PRKAG2: variants seen among roughly 807,000 people sequenced by gnomAD.
PRKAG2 encodes 5'-AMP-activated protein kinase subunit gamma-2.
A neutral mutation model predicts 69.6 loss-of-function variants in PRKAG2; 26 were observed. The ratio of observed to expected loss-of-function variants is 0.37; its 90% CI spans 0.27 to 0.52. The LOEUF is 0.52. Among genes scored for constraint, PRKAG2 ranks in the 20% least tolerant of loss-of-function variants. The pLI is 0.90. For missense variants in PRKAG2, 557 were observed against 740.0 expected, an observed-to-expected ratio of 0.75 and a Z score of 2.87; for synonymous variants, 293 against 285.0, an observed-to-expected ratio of 1.03 and a Z score of -0.28.
chr7:151,866,268 G>A (rs190750249), intron 1 of PRKAG2, among the ~76,000 whole-genome samples: 3 of 152,230 alleles, frequency 2.0e-5, no homozygotes, highest in Non-Finnish European at 4.4e-5. Flanking sequence ...TTGGCTGCTC[G>A]TGGGGCATCT....
chr7:151,558,226 C>G (rs1471848114), intron 15 of PRKAG2: 1 of 985,452 alleles, frequency 1.0e-6, no homozygotes, highest in East Asian at 1.1e-4. Flanking sequence ...TGAACCAGTA[C>G]CCCTCTGGGG....
chr7:151,826,761 T>C (rs2078912712), intron 1 of PRKAG2, among the ~76,000 whole-genome samples: 2 of 152,242 alleles, frequency 1.3e-5, no homozygotes, highest in South Asian at 2.1e-4. Context: ...TTTTTTTCCT[T>C]CCACTGATCA....
At chr7:151,600,007 G>A (rs549798074) in intron 5 of PRKAG2, among the ~76,000 whole-genome samples, 7 of 152,152 alleles carry the variant, frequency 4.6e-5, no homozygotes, top group Middle Eastern at 3.4e-3. Context: ...TACTTTCTCC[G>A]TCTGTTTGTG....
At chr7:151,702,354 C>CTT (rs1837862812) in intron 3 of PRKAG2, among the ~76,000 whole-genome samples, 2 of 152,240 alleles carry the variant, frequency 1.3e-5, no homozygotes, top group African/African-American at 4.8e-5. Flanking sequence ...CACTGACTCT[C>CTT]TTCCCTGACA....
At chr7:151,662,140 T>C (rs911687799) in intron 4 of PRKAG2, among the ~76,000 whole-genome samples, 9 of 152,234 alleles carry the variant, frequency 5.9e-5, no homozygotes, top group Non-Finnish European at 1.3e-4. Flanking sequence ...GCACCGGCTG[T>C]TACATAGGTA....
chr7:151,560,076 G>A (rs1804565842), intron 15 of PRKAG2: 59 of 984,540 alleles, frequency 6.0e-5, no homozygotes, highest in Non-Finnish European at 6.9e-5. Context: ...CAATATTAAT[G>A]AATAAAAGTT....
intron 3 of PRKAG2, among the ~76,000 whole-genome samples, chr7:151,778,182 C>T (rs957153314): frequency 1.3e-5 from 2 of 152,160 alleles, no homozygotes; most frequent in Non-Finnish European, 1.5e-5. Context: ...GTGCCCGTTC[C>T]CTAGCCCCCT....
At chr7:151,677,511 C>A (rs574464915) in intron 3 of PRKAG2, among the ~76,000 whole-genome samples, 26 of 152,284 alleles carry the variant, frequency 1.7e-4, no homozygotes, top group African/African-American at 4.6e-4. Context: ...TTACATCTTA[C>A]AGGTAGAAAA....
intron 4 of PRKAG2, among the ~76,000 whole-genome samples, chr7:151,673,893 A>AGT (rs1309021062): frequency 7.5e-6 from 1 of 132,692 alleles, no homozygotes; most frequent in African/African-American, 2.9e-5. Context: ...CCCAGGCCGG[A>AGT]GTGCAGTGGT....
At chr7:151,782,361 G>GAAAGA (rs2076744505) in intron 2 of PRKAG2, among the ~76,000 whole-genome samples, 4 of 34,124 alleles carry the variant, frequency 1.2e-4, no homozygotes, top group African/African-American at 1.5e-4. Flanking sequence ...GGGAGGGAGG[G>GAAAGA]AGGGAGGGAG....
At chr7:151,593,511 A>T (rs7810070) in intron 6 of PRKAG2, among the ~76,000 whole-genome samples, 21,658 of 150,916 alleles carry the variant, frequency 0.14, 1,645 homozygotes, top group East Asian at 0.27. Context: ...GCTTATTTTT[A>T]AGTTGGTAGA....
In PRKAG2 at chr7:151,632,145, G is replaced by T. The variant is rs397517278; in HGVS notation, c.685-7C>A. ...GGGCCGCCGCCAGCGCCGCCTGAGG[G>T]GGAGGAGGAGGACAGCGATCAGCAT... is the stretch of plus-strand genomic sequence containing the variant. On this transcript the variant is annotated splice_region_variant and splice_polypyrimidine_tract_variant and intron_variant, in intron 4 of 15. Transcript: ENST00000287878. The surrounding 1 kb of genome is among the most constrained non-coding windows in gnomAD (Gnocchi z 4.2). The T allele has an allele frequency of 3.7e-5, 52 of 1,391,936 alleles. No individual in the cohort carries two copies. Among genetic ancestry groups the T allele is most frequent in the Non-Finnish European group, 4.8e-5 (51 of 1,059,434 alleles). 86.2% of individuals were successfully genotyped at this position (1,391,936 alleles called of 1,614,324 possible). A position where few individuals can be genotyped will look rare whatever the true frequency, so the allele number is the denominator to read the frequency against.
At chr7:151,663,342 T>C (rs1347649077) in intron 4 of PRKAG2, among the ~76,000 whole-genome samples, 1 of 152,186 alleles carries the variant, frequency 6.6e-6, no homozygotes, top group African/African-American at 2.4e-5. Flanking sequence ...AAGTCCTAAC[T>C]CTGCTGGATT....
chr7:151,852,928 G>C lies in PRKAG2; in HGVS notation c.114+23579C>G, dbSNP rs562139250. Among the ~76,000 whole-genome samples, 153 of 152,310 alleles carry C rather than the reference G, an allele frequency of 1.0e-3. 1 individual carries two copies. The highest frequency in any genetic ancestry group is 3.6e-3 in the African/African-American group (149 of 41,560). ...TGCTCTTTCATATGTGACCCACCTG[G>C]CAGGGCCGCAGCTCAACGGGCAACC... On this transcript the variant is annotated intron_variant, in intron 1 of 15. Transcript: ENST00000287878.
intron 5 of PRKAG2, among the ~76,000 whole-genome samples, chr7:151,602,860 C>T (rs1003049357): frequency 6.6e-6 from 1 of 152,098 alleles, no homozygotes; most frequent in African/African-American, 2.4e-5. Flanking sequence ...TTTTCTCTGC[C>T]CTCGCTCTCT....
chr7:151,759,659 C>T (rs768217150), intron 3 of PRKAG2, among the ~76,000 whole-genome samples: 20 of 152,334 alleles, frequency 1.3e-4, no homozygotes, highest in Non-Finnish European at 2.1e-4. Context: ...ACGATACCTG[C>T]TGCTTTCCCC....
chr7:151,866,881 T>TA (rs2151910871), intron 1 of PRKAG2, among the ~76,000 whole-genome samples: 1 of 77,836 alleles, frequency 1.3e-5, no homozygotes, highest in African/African-American at 5.0e-5. Context: ...TCTGCACCCC[T>TA]GGCCCCAGGA....
In PRKAG2 at chr7:151,632,897, T is replaced by TA. The variant is rs1325629344; in HGVS notation, c.685-760dup. The TA allele has an allele frequency of 6.6e-6, 1 of 152,088 alleles. No individual in the cohort carries two copies. Among genetic ancestry groups the TA allele is most frequent in the Non-Finnish European group, 1.5e-5 (1 of 68,044 alleles). 9.4% of individuals were successfully genotyped at this position (152,088 alleles called of 1,614,324 possible). A position where few individuals can be genotyped will look rare whatever the true frequency, so the allele number is the denominator to read the frequency against. On this transcript the variant is annotated intron_variant, in intron 4 of 15. Transcript: ENST00000287878. This position sits in a 1 kb window ranked among gnomAD's most constrained non-coding sequence, Gnocchi z 4.2. ...GGTTGGGGAGCCGCTGCCAAAAACG[T>TA]ACACACCCTGAATCTGGCCCTGGCC...
chr7:151,839,522 G>T (rs961103874), intron 1 of PRKAG2, among the ~76,000 whole-genome samples: 3 of 152,224 alleles, frequency 2.0e-5, no homozygotes, highest in Non-Finnish European at 1.5e-5. Context: ...AATGTCTACA[G>T]TTCCAATGCT....
Sources: allele counts gnomAD v4.1 joint callset (sites outside exome capture counted in the v4.1 genomes callset), GRCh38; gene constraint gnomAD v4.1.1; non-coding constraint Gnocchi (gnomAD v3.1); transcripts MANE v1.5; gene names NCBI Gene and HGNC (gene_info 2026-07-23, HGNC 2026-07-21).